The following HEATR5B variants were observed in gnomAD, a reference collection of about 807,000 sequenced individuals.
HEATR5B encodes HEAT repeat containing 5B.
HEATR5B carries 156 observed loss-of-function variants against 224.1 expected under a neutral mutation model. That is an observed-to-expected ratio of 0.70 (90% CI 0.61 to 0.80). The LOEUF is 0.80. Among genes scored for constraint, HEATR5B ranks in the 30% least tolerant of loss-of-function variants. The probability of loss-of-function intolerance (pLI) is 0.00; values close to 1 mark genes in which losing one functional copy is unlikely to be tolerated. For synonymous variants in HEATR5B, 1,027 were observed against 893.0 expected (o/e 1.15, Z -2.68); for missense variants, 2,323 against 2,535.5 (o/e 0.92, Z 1.80).
At chr2:37,031,178 T>G (rs936869063) in intron 22 of HEATR5B, among the ~76,000 whole-genome samples, 3 of 152,212 alleles carry the variant, frequency 2.0e-5, no homozygotes, top group Non-Finnish European at 2.9e-5. Context: ...TGGTTTCCTC[T>G]AACTTCATCC....
chr2:37,033,981 C>A (rs1387844621), intron 21 of HEATR5B, among the ~76,000 whole-genome samples: 9 of 152,044 alleles, frequency 5.9e-5, no homozygotes, highest in African/African-American at 2.2e-4. Flanking sequence ...TAGAAAGAGT[C>A]CCAGACACAA....
chr2:37,064,924 C>T lies in HEATR5B; in HGVS notation c.1400G>A (p.Trp467Ter). 6.2e-7 allele frequency: 1 copy of T among 1,614,100 alleles called. No homozygotes were observed. The highest frequency in any genetic ancestry group is 8.5e-7 in the Non-Finnish European group (1 of 1,180,010). The change falls in exon 10 of 36, where the codon TGG becomes TAG. Residue 467 changes from tryptophan (W) to a stop codon, truncating the protein, a stop_gained. Transcript: ENST00000233099. LOFTEE classifies it high-confidence loss of function. ...TGCCACAGCCACACAGCGCAAACACCATGCAGCAGCAAGTCGGGCAGCCAT... is the reference window on the plus strand; with the variant it reads ...TGCCACAGCCACACAGCGCAAACACTATGCAGCAGCAAGTCGGGCAGCCAT... ...PSMAARLAAA[W>*]CLRCVAVALP...
chr2:37,029,582 T>C (rs954913003), intron 22 of HEATR5B, among the ~76,000 whole-genome samples: 1 of 152,016 alleles, frequency 6.6e-6, no homozygotes, highest in Admixed American at 6.6e-5. Flanking sequence ...GAGAATCACC[T>C]GAACCCAAGA....
At chr2:37,005,525 A>G (rs1667354608) in intron 30 of HEATR5B, 107 bp downstream of exon 30, 1 of 971,484 alleles carries the variant, frequency 1.0e-6, no homozygotes, top group Non-Finnish European at 1.6e-6. Context: ...TATTCATATC[A>G]TGTTAAAATA....
intron 3 of HEATR5B, among the ~76,000 whole-genome samples, chr2:37,078,119 T>C (rs1333151814): frequency 6.6e-6 from 1 of 152,218 alleles, no homozygotes; most frequent in African/African-American, 2.4e-5. Flanking sequence ...TAGTTGGATC[T>C]TGGAAGTGGG....
chr2:37,070,534 T>A, intron 6 of HEATR5B, 147 bp from the exon 7 acceptor site: 1 of 652,486 alleles, frequency 1.5e-6, no homozygotes, highest in Non-Finnish European at 2.5e-6. Context: ...ATTTTCAATG[T>A]ACTTGTAAGC....
rs193214830 is a variant in HEATR5B, at chr2:37,001,164, C to G, written c.5318-351G>C. Among the ~76,000 whole-genome samples the G allele has an allele frequency of 5.3e-5, 8 of 152,286 alleles. No homozygotes were observed. In the East Asian group the frequency reaches 1.4e-3, roughly 26 times the overall value. ...CCACACCAGATACTGTGGGAAGCAT[C>G]TGAGTAACTTCATGAGTTTTATAGC... On this transcript the variant is annotated intron_variant, in intron 32 of 35. Transcript: ENST00000233099.
chr2:37,023,091 C>T (rs558593411), intron 24 of HEATR5B, among the ~76,000 whole-genome samples: 13 of 150,094 alleles, frequency 8.7e-5, no homozygotes, highest in Admixed American at 2.0e-4. Flanking sequence ...AAGAAAAGCA[C>T]GAAAATAACT....
Position 37,070,348 on chromosome 2 carries a change from A to C in HEATR5B, c.809T>G (p.Val270Gly), listed in dbSNP as rs1212219060. ...AAATCCTGTGGCCATGAGTTCTAAG[A>C]CTTCATCAAATGTTGCTCGCTTCAC... The part of the protein sequence containing the change: ...QNVKRATFDE[V>G]LELMATGFLR... Residue 270 changes from valine (V) to glycine (G), a missense_variant, in exon 7 of 36, where the codon GTC (valine) becomes GGC (glycine). By Grantham distance (109) the Val-to-Gly change is moderately radical. Coordinates refer to ENST00000233099, the MANE Select transcript of HEATR5B (RefSeq NM_019024.3). 6.2e-7 allele frequency: 1 copy of C among 1,614,060 alleles called. No homozygotes were observed.
intron 27 of HEATR5B, among the ~76,000 whole-genome samples, chr2:37,012,308 C>T (rs965590494): frequency 6.6e-6 from 1 of 152,124 alleles, no homozygotes; most frequent in Non-Finnish European, 1.5e-5. Flanking sequence ...AATAATAACA[C>T]CATAACAAAT....
At chr2:37,010,682 T>A (rs967513066) in intron 27 of HEATR5B, among the ~76,000 whole-genome samples, 2 of 151,936 alleles carry the variant, frequency 1.3e-5, no homozygotes, top group Non-Finnish European at 2.9e-5. Flanking sequence ...CCTGACTAAT[T>A]TTTGTATTTT....
At chr2:37,016,207 G>T (rs1162036766) in intron 26 of HEATR5B, among the ~76,000 whole-genome samples, 1 of 150,254 alleles carries the variant, frequency 6.7e-6, no homozygotes, top group Non-Finnish European at 1.5e-5. Context: ...CCGCCTCCCA[G>T]GTTCATGCCA....
chr2:37,053,208 A>G (rs537950854), intron 17 of HEATR5B, among the ~76,000 whole-genome samples: 27 of 152,404 alleles, frequency 1.8e-4, no homozygotes, highest in African/African-American at 6.3e-4. Flanking sequence ...AACCTTCAGT[A>G]GAATATCCGA....
At chr2:37,029,861 C>T (rs146074994) in intron 22 of HEATR5B, among the ~76,000 whole-genome samples, 26,365 of 151,580 alleles carry the variant, frequency 0.17, 3,041 homozygotes, top group Non-Finnish European at 0.26. Flanking sequence ...ATGGCTTGAA[C>T]CTGGGAGGCG....
At chr2:36,993,216 G>A (rs7573717) in intron 33 of HEATR5B, among the ~76,000 whole-genome samples, 24,861 of 151,840 alleles carry the variant, frequency 0.16, 2,253 homozygotes, top group African/African-American at 0.21. Context: ...TGAAGTAACA[G>A]TAAGGGACCC....
chr2:37,012,669 T>A (rs927932023), intron 27 of HEATR5B, among the ~76,000 whole-genome samples: 1 of 152,120 alleles, frequency 6.6e-6, no homozygotes, highest in Non-Finnish European at 1.5e-5. Flanking sequence ...GGATTACAGG[T>A]GTGAGCCACC....
rs759739589 is a variant in HEATR5B, at chr2:37,068,777, G to A, written c.1081C>T (p.Leu361=). ...AGCAAACTGCCCACAGTAGCTCTTA[G>A]GATAAAGGAAACACATCGTCTGGAG... ...VYSRRCVSFI[L]RATVGSLLGE... Residue 361 remains leucine, a synonymous_variant, in exon 8 of 36, where the codon CTA becomes TTA. Coordinates refer to ENST00000233099, the MANE Select transcript of HEATR5B (RefSeq NM_019024.3). 3.1e-6 allele frequency: 5 copies of A among 1,614,126 alleles called. No individual in the cohort carries two copies. The highest frequency in any genetic ancestry group is 2.2e-5 in the East Asian group (1 of 44,872).
At chr2:37,022,710 G>GTTTATATCTTTATAATAA in intron 24 of HEATR5B, among the ~76,000 whole-genome samples, 1 of 152,310 alleles carries the variant, frequency 6.6e-6, no homozygotes, top group East Asian at 1.9e-4. Context: ...AATAAGATAT[G>GTTTATATCTTTATAATAA]GAAAAGGGAA....
chr2:37,001,175 CAT>C (rs1667065135), intron 32 of HEATR5B, among the ~76,000 whole-genome samples: 1 of 152,142 alleles, frequency 6.6e-6, no homozygotes, highest in African/African-American at 2.4e-5. Flanking sequence ...TGAGTAACTT[CAT>C]GAGTTTTATA....
Sources: gnomAD v4.1 joint callset for allele counts (sites outside exome capture counted in the v4.1 genomes callset) on GRCh38, gnomAD v4.1.1 for gene constraint, MANE v1.5 for transcripts, NCBI Gene and HGNC (gene_info 2026-07-23, HGNC 2026-07-21) for gene names.